Variants in SLC13A3 observed in about 807,000 individuals in gnomAD.
The protein encoded by SLC13A3 is solute carrier family 13 member 3, also known as Na(+)/dicarboxylate cotransporter 3.
Under a neutral mutation model 59.0 loss-of-function variants are expected in SLC13A3, and 40 were observed. The observed-to-expected ratio is 0.68, with a 90% confidence interval of 0.53 to 0.88. The LOEUF is 0.88. Ranked by LOEUF, SLC13A3 falls within the 40% of genes least tolerant of loss-of-function variation. The pLI is 0.00. For missense variants in SLC13A3, 699 were observed against 783.2 expected, an observed-to-expected ratio of 0.89 and a Z score of 1.28; for synonymous variants, 317 against 330.3, an observed-to-expected ratio of 0.96 and a Z score of 0.44.
intron 1 of SLC13A3, among the ~76,000 whole-genome samples, chr20:46,646,934 C>A (rs190998167): frequency 1.3e-5 from 2 of 152,134 alleles, no homozygotes; most frequent in African/African-American, 2.4e-5. Flanking sequence ...ATGAAAGGAC[C>A]ATCTTCCTGG....
intron 1 of SLC13A3, among the ~76,000 whole-genome samples, chr20:46,648,607 G>A (rs527527565): frequency 5.3e-5 from 8 of 152,180 alleles, no homozygotes; most frequent in Non-Finnish European, 1.0e-4. Context: ...AGAAGAGCAT[G>A]TAAGGCACAG....
chr20:46,676,785 T>C (rs2063128877), intron 1 of SLC13A3, among the ~76,000 whole-genome samples: 1 of 152,072 alleles, frequency 6.6e-6, no homozygotes, highest in Admixed American at 6.5e-5. Flanking sequence ...ATTCCTGGGC[T>C]GCGTGGAAAC....
chr20:46,598,199 C>T (rs531057533), intron 4 of SLC13A3, among the ~76,000 whole-genome samples: 12 of 152,194 alleles, frequency 7.9e-5, no homozygotes, highest in African/African-American at 2.4e-4. Context: ...GACTCCTTCC[C>T]CAGAGGGCAA....
intron 8 of SLC13A3, among the ~76,000 whole-genome samples, chr20:46,586,114 T>C (rs923884618): frequency 6.6e-6 from 1 of 152,252 alleles, no homozygotes; most frequent in South Asian, 2.1e-4. Flanking sequence ...ATTAGTTTCA[T>C]CTGTTTTTCA....
intron 1 of SLC13A3, among the ~76,000 whole-genome samples, chr20:46,631,536 G>A (rs760320849): frequency 1.7e-4 from 26 of 152,270 alleles, no homozygotes; most frequent in Non-Finnish European, 2.4e-4. Context: ...AGGCTCACGC[G>A]TGACCCTGAG....
chr20:46,581,724 A>G (rs1600515356), intron 9 of SLC13A3, among the ~76,000 whole-genome samples: 1 of 152,226 alleles, frequency 6.6e-6, no homozygotes, highest in East Asian at 1.9e-4. Context: ...GGCAGAAGCC[A>G]CGGGGATCAG....
chr20:46,570,885 G>A (rs1214948316), intron 10 of SLC13A3, among the ~76,000 whole-genome samples: 4 of 152,060 alleles, frequency 2.6e-5, no homozygotes, highest in Non-Finnish European at 5.9e-5. Flanking sequence ...ATAAAATGAG[G>A]GTAATAATAA....
intron 3 of SLC13A3, among the ~76,000 whole-genome samples, chr20:46,606,154 G>A (rs1174045459): frequency 6.6e-6 from 1 of 152,204 alleles, no homozygotes. Flanking sequence ...CTTGGAACCT[G>A]TGGAGGAGAC....
chr20:46,620,703 T>TAATTGAAAAGGACCAAC (rs1398812701), intron 1 of SLC13A3, among the ~76,000 whole-genome samples: 21 of 152,320 alleles, frequency 1.4e-4, no homozygotes, highest in African/African-American at 4.8e-4. Context: ...GTTCATGCCC[T>TAATTGAAAAGGACCAAC]AATTGAAAAG....
chr20:46,672,739 GA>G (rs1175456369), upstream of SLC13A3, among the ~76,000 whole-genome samples: 2 of 152,116 alleles, frequency 1.3e-5, no homozygotes, highest in Non-Finnish European at 2.9e-5. Context: ...CTTGTCCTTG[GA>G]GACCTGGACT....
At chr20:46,599,792 T>A (rs948315750) in intron 4 of SLC13A3, among the ~76,000 whole-genome samples, 179 bp downstream of exon 4, 12 of 152,148 alleles carry the variant, frequency 7.9e-5, no homozygotes, top group Non-Finnish European at 1.3e-4. Context: ...CATTTTTTTT[T>A]AAATGAGGCT....
At chr20:46,653,406 T>G (rs2062965558), upstream of SLC13A3, among the ~76,000 whole-genome samples, 1 of 152,228 alleles carries the variant, frequency 6.6e-6, no homozygotes, top group Non-Finnish European at 1.5e-5. Context: ...TCTTAGTTTC[T>G]GTTTCTGGTT....
At chr20:46,574,532 C>T (rs1022197369) in intron 10 of SLC13A3, among the ~76,000 whole-genome samples, 2 of 152,196 alleles carry the variant, frequency 1.3e-5, no homozygotes, top group African/African-American at 4.8e-5. Flanking sequence ...TCATTTGCCC[C>T]ACCCTGGTCC....
chr20:46,578,892 A>AGTC lies in SLC13A3; in HGVS notation c.1220-3210_1220-3208dup, dbSNP rs776288358. 8.1e-4 allele frequency among the ~76,000 whole-genome samples: 123 copies of AGTC among 151,650 alleles called. 1 individual carries two copies. The highest frequency in any genetic ancestry group is 2.1e-3 in the East Asian group (11 of 5,142). ...AGCTAGTTGGCAAAGAGGAAAGAGA[A>AGTC]GTCGTCGTCGTCGTCATCATCATCA... On this transcript the variant is annotated intron_variant, in intron 9 of 12. Transcript: ENST00000279027.
upstream of SLC13A3, among the ~76,000 whole-genome samples, chr20:46,674,602 CGCGTGTGTGT>C (rs1241527578): frequency 8.7e-6 from 1 of 114,412 alleles, no homozygotes; most frequent in Non-Finnish European, 1.8e-5. Flanking sequence ...CGCGCGCGCG[CGCGTGTGTGT>C]GTGTGTGTGT....
Position 46,600,021 on chromosome 20 carries a change from GT to G in SLC13A3, c.557del (p.Asn186ThrfsTer88). 1 of 1,569,840 alleles carries G rather than the reference GT, an allele frequency of 6.4e-7. No individual in the cohort carries two copies. Among genetic ancestry groups the G allele is most frequent in the Non-Finnish European group, 8.7e-7 (1 of 1,149,500 alleles). On this transcript the variant is annotated frameshift_variant, in exon 4 of 13. Coordinates refer to ENST00000279027, the MANE Select transcript of SLC13A3 (RefSeq NM_022829.6). LOFTEE classifies it high-confidence loss of function. Reference protein sequence around the residue: ...SEENTAAVRRNGLHTVPTEMQ... With the variant: ...SEENTAAVRRXGLHTVPTEMQ... Reference sequence around the variant, plus strand: ...TCTCCGTGGGCACAGTGTGTAGGCCGTTTCTCCGCACAGCAGCTAGGAGGAA... The same window carrying G: ...TCTCCGTGGGCACAGTGTGTAGGCCGTTCTCCGCACAGCAGCTAGGAGGAA...
chr20:46,627,520 C>T (rs1203453819), intron 1 of SLC13A3, among the ~76,000 whole-genome samples: 1 of 151,974 alleles, frequency 6.6e-6, no homozygotes, highest in Non-Finnish European at 1.5e-5. Context: ...ATGTGGGTCC[C>T]GTGATGCCAG....
intron 1 of SLC13A3, among the ~76,000 whole-genome samples, chr20:46,623,023 C>A (rs1312067493): frequency 6.6e-6 from 1 of 152,142 alleles, no homozygotes; most frequent in Non-Finnish European, 1.5e-5. Context: ...GTAATTCTAC[C>A]AAACATTGAA....
intron 4 of SLC13A3, among the ~76,000 whole-genome samples, chr20:46,597,053 T>TA (rs1000022600): frequency 1.3e-5 from 2 of 151,822 alleles, no homozygotes; most frequent in African/African-American, 4.8e-5. Context: ...ACCCTGTCTC[T>TA]AAAAAAAATT....
Sources: gnomAD v4.1 joint callset for allele counts (sites outside exome capture counted in the v4.1 genomes callset) on GRCh38, gnomAD v4.1.1 for gene constraint, MANE v1.5 for transcripts, NCBI Gene and HGNC (gene_info 2026-07-23, HGNC 2026-07-21) for gene names.